CLASP1: variants seen among roughly 807,000 people sequenced by gnomAD.
CLASP1 encodes cytoplasmic linker associated protein 1, also known as CLIP-associating protein 1.
Under a neutral mutation model 192.3 loss-of-function variants are expected in CLASP1, and 38 were observed. The ratio of observed to expected loss-of-function variants is 0.20; its 90% confidence interval spans 0.15 to 0.26. CLASP1 has a LOEUF of 0.26. CLASP1 is among the 10% of genes least tolerant of loss of function. CLASP1 has a pLI of 1.00. For synonymous variants in CLASP1, 691 were observed against 712.8 expected (o/e 0.97, Z 0.49); for missense variants, 1,433 against 1,932.5 (o/e 0.74, Z 4.85).
At chr2:121,345,940 A>G (rs1021464538) in intron 39 of CLASP1, among the ~76,000 whole-genome samples, 28 of 152,164 alleles carry the variant, frequency 1.8e-4, no homozygotes, top group African/African-American at 6.8e-4. Flanking sequence ...CCACCTCAAC[A>G]AGGTGGCCCA....
At chr2:121,483,458 G>A (rs1411246256) in intron 8 of CLASP1, among the ~76,000 whole-genome samples, 5 of 140,130 alleles carry the variant, frequency 3.6e-5, no homozygotes, top group Non-Finnish European at 8.0e-5. Flanking sequence ...GAATGAATAT[G>A]TGTGTGTGTG....
intron 19 of CLASP1, among the ~76,000 whole-genome samples, chr2:121,445,167 T>C (rs2084092957): frequency 6.6e-6 from 1 of 152,240 alleles, no homozygotes; most frequent in Non-Finnish European, 1.5e-5. Context: ...CATAGCATAA[T>C]GGTTTTTTTG....
chr2:121,467,846 C>T (rs143476433), intron 9 of CLASP1, among the ~76,000 whole-genome samples: 25 of 152,188 alleles, frequency 1.6e-4, no homozygotes, highest in Middle Eastern at 6.8e-3. Context: ...TTGGTGTCTT[C>T]GTCATGAAAT....
intron 1 of CLASP1, among the ~76,000 whole-genome samples, chr2:121,639,708 A>T (rs2071644375): frequency 6.6e-6 from 1 of 151,896 alleles, no homozygotes; most frequent in Admixed American, 6.6e-5. Flanking sequence ...TACTAAAAAT[A>T]CAAAATTAGC....
intron 6 of CLASP1, among the ~76,000 whole-genome samples, chr2:121,524,234 G>A (rs1039879121): frequency 1.5e-4 from 23 of 152,248 alleles, no homozygotes; most frequent in South Asian, 4.1e-4. Flanking sequence ...TCCATGTGGC[G>A]GCAGCGAAAC....
At chr2:121,568,420 A>G (rs2059697498) in intron 2 of CLASP1, among the ~76,000 whole-genome samples, 1 of 151,910 alleles carries the variant, frequency 6.6e-6, no homozygotes, top group South Asian at 2.1e-4. Flanking sequence ...TCAGCCTTTG[A>G]TTTCAAATAA....
At chr2:121,445,345 G>C (rs1388150124) in intron 19 of CLASP1, 1 of 567,434 alleles carries the variant, frequency 1.8e-6, no homozygotes, top group Non-Finnish European at 2.9e-6. Context: ...AAATACTAAA[G>C]AGTTACCCAA....
At chr2:121,550,057 C>T (rs561129577) in intron 2 of CLASP1, among the ~76,000 whole-genome samples, 1 of 149,170 alleles carries the variant, frequency 6.7e-6, no homozygotes, top group South Asian at 2.1e-4. Context: ...CACTCTTGGA[C>T]CACAGCACAT....
chr2:121,525,776 G>A (rs1481594089), intron 6 of CLASP1, 69 bp downstream of exon 6: 3 of 1,073,424 alleles, frequency 2.8e-6, no homozygotes, highest in Non-Finnish European at 4.3e-6. Context: ...CACCCACTAC[G>A]GAACACCAGA....
At chr2:121,514,762 T>C (rs1028212560) in intron 7 of CLASP1, among the ~76,000 whole-genome samples, 1 of 152,198 alleles carries the variant, frequency 6.6e-6, no homozygotes, top group Non-Finnish European at 1.5e-5. Flanking sequence ...ATTTCAATAT[T>C]CCATCCCATT....
Position 121,528,654 on chromosome 2 carries a change from CAAA to C in CLASP1, c.378+20_378+22del. The C allele has an allele frequency of 6.2e-7, 1 of 1,609,560 alleles. No individual in the cohort carries two copies. Among genetic ancestry groups the C allele is most frequent in the Non-Finnish European group, 8.5e-7 (1 of 1,175,856 alleles). ...TGCACGCGCACTGGCCAGCTGACCTCAAAACACATCTCTTGCCCCTACCTGGGG... is the reference window on the plus strand; with the variant it reads ...TGCACGCGCACTGGCCAGCTGACCTCACACATCTCTTGCCCCTACCTGGGG... On this transcript the variant is annotated intron_variant, in intron 4 of 39. Coordinates refer to ENST00000263710, the Ensembl canonical transcript of CLASP1.
Position 121,447,233 on chromosome 2 carries a change from A to C in CLASP1, c.1912+104T>G, listed in dbSNP as rs1327418351. ...CTTAGATTTAAATAGTAGCCCCACA[A>C]CAGTGAGACTTGCCTCAATCATGGG... On this transcript the variant is annotated intron_variant, in intron 19 of 39. Coordinates refer to ENST00000263710, the Ensembl canonical transcript of CLASP1. The C allele has an allele frequency of 2.8e-6, 3 of 1,069,322 alleles. No individual in the cohort carries two copies. In the Admixed American group the frequency reaches 7.7e-5, roughly 27 times the overall value. 66.2% of individuals were successfully genotyped at this position (1,069,322 alleles called of 1,614,324 possible). A position where few individuals can be genotyped will look rare whatever the true frequency, so the allele number is the denominator to read the frequency against.
intron 1 of CLASP1, 51 bp from the exon 2 acceptor site, chr2:121,606,231 C>A (rs1247762998): frequency 2.5e-6 from 1 of 399,186 alleles, no homozygotes; most frequent in Non-Finnish European, 4.4e-6. Context: ...ACATAACACC[C>A]AAATGTTATG....
At chr2:121,578,965 T>G (rs1343066418) in intron 2 of CLASP1, among the ~76,000 whole-genome samples, 2 of 152,166 alleles carry the variant, frequency 1.3e-5, no homozygotes, top group African/African-American at 4.8e-5. Context: ...ATTCAGTAAT[T>G]TAACTATTTG....
At chr2:121,444,411 G>GTA (rs778703821) in intron 19 of CLASP1, among the ~76,000 whole-genome samples, 1 of 152,258 alleles carries the variant, frequency 6.6e-6, no homozygotes, top group South Asian at 2.1e-4. Context: ...TAAGTCAGTA[G>GTA]TACCTTTAGA....
chr2:121,368,530 T>C (rs1008299460), intron 34 of CLASP1, among the ~76,000 whole-genome samples: 1 of 152,134 alleles, frequency 6.6e-6, no homozygotes, highest in East Asian at 1.9e-4. Flanking sequence ...CTTGACATGG[T>C]ATCGACAAGA....
intron 36 of CLASP1, among the ~76,000 whole-genome samples, chr2:121,363,832 G>A (rs963826392): frequency 6.6e-6 from 1 of 152,088 alleles, no homozygotes; most frequent in Non-Finnish European, 1.5e-5. Flanking sequence ...GTTGGTTAAG[G>A]CCAGAGTCAC....
chr2:121,348,598 T>C, exon 38 of CLASP1: 1 of 1,613,944 alleles, frequency 6.2e-7, no homozygotes, highest in Non-Finnish European at 8.5e-7. Flanking sequence ...TGCATCTTGA[T>C]GGCAGCAAGG....
chr2:121,530,201 G>C (rs1037293183), intron 3 of CLASP1, 46 bp downstream of exon 3: 11 of 1,500,210 alleles, frequency 7.3e-6, no homozygotes, highest in Non-Finnish European at 1.0e-5. Flanking sequence ...AGGGAAGGCT[G>C]GGGGTCTGAA....
Sources: allele counts gnomAD v4.1 joint callset (sites outside exome capture counted in the v4.1 genomes callset), GRCh38; gene constraint gnomAD v4.1.1; transcripts MANE v1.5; gene names NCBI Gene and HGNC (gene_info 2026-07-23, HGNC 2026-07-21).